Variants in DLG2 observed in about 807,000 individuals in gnomAD.
DLG2 encodes the protein disks large homolog 2.
In DLG2, 45 loss-of-function variants were observed where a neutral mutation model predicts 132.5. The ratio of observed to expected loss-of-function variants is 0.34; its 90% CI spans 0.27 to 0.44. DLG2 has a LOEUF of 0.44. Ranked by LOEUF, DLG2 falls within the 20% of genes least tolerant of loss-of-function variation. The pLI is 1.00. For synonymous variants in DLG2, 424 were observed against 419.6 expected, an observed-to-expected ratio of 1.01 and a Z score of -0.13; for missense variants, 1,045 against 1,196.9, an observed-to-expected ratio of 0.87 and a Z score of 1.87.
At chr11:85,116,395 T>C (rs902095436) in intron 5 of DLG2, among the ~76,000 whole-genome samples, 1 of 151,848 alleles carries the variant, frequency 6.6e-6, no homozygotes, top group African/African-American at 2.4e-5. Flanking sequence ...TTTCTAAATA[T>C]AGAGATATAA....
chr11:84,709,774 C>G (rs565945906), intron 6 of DLG2, among the ~76,000 whole-genome samples: 164 of 152,034 alleles, frequency 1.1e-3, no homozygotes, highest in African/African-American at 3.8e-3. Flanking sequence ...GGCACACCTT[C>G]AATGCCCCAC....
At chr11:83,832,134 A>G (rs150972210) in intron 17 of DLG2, among the ~76,000 whole-genome samples, 1,559 of 152,334 alleles carry the variant, frequency 0.01, 30 homozygotes, top group African/African-American at 0.035. Context: ...AGAAGAATAA[A>G]TAATAGTTAT....
intron 21 of DLG2, among the ~76,000 whole-genome samples, chr11:83,514,956 G>A (rs1414342210): frequency 1.2e-4 from 18 of 152,188 alleles, no homozygotes; most frequent in East Asian, 1.2e-3. Context: ...TTTTTGCATC[G>A]ATGTTCATCA....
At chr11:84,584,963 C>A (rs953509930) in intron 6 of DLG2, among the ~76,000 whole-genome samples, 7 of 152,014 alleles carry the variant, frequency 4.6e-5, no homozygotes, top group Non-Finnish European at 1.0e-4. Context: ...GCTGGGATTA[C>A]AGGCGTGAGC....
intron 21 of DLG2, among the ~76,000 whole-genome samples, chr11:83,496,870 A>T (rs2094173956): frequency 6.6e-6 from 1 of 152,230 alleles, no homozygotes; most frequent in Admixed American, 6.5e-5. Context: ...ATATGTATAG[A>T]TTAATCTTCT....
At chr11:85,357,000 T>C (rs1477394194) in intron 3 of DLG2, among the ~76,000 whole-genome samples, 1 of 152,114 alleles carries the variant, frequency 6.6e-6, no homozygotes, top group East Asian at 1.9e-4. Context: ...AGTTTCAAAT[T>C]CATGTATATA....
intron 3 of DLG2, among the ~76,000 whole-genome samples, chr11:85,463,989 T>TACACACACACACAC (rs374003945): frequency 0.015 from 2,080 of 139,330 alleles, 45 homozygotes; most frequent in Admixed American, 0.03. Context: ...GACATACATG[T>TACACACACACACAC]ACACACACAC....
chr11:84,755,022 T>A (rs2066670419), intron 6 of DLG2, among the ~76,000 whole-genome samples: 1 of 152,204 alleles, frequency 6.6e-6, no homozygotes, highest in Non-Finnish European at 1.5e-5. Context: ...GAAAATAATT[T>A]ACTTGTATTA....
At chr11:84,350,183 C>CA (rs2098557327) in intron 7 of DLG2, among the ~76,000 whole-genome samples, 8 of 136,618 alleles carry the variant, frequency 5.9e-5, no homozygotes, top group Non-Finnish European at 1.2e-4. Flanking sequence ...GTCCCCCCCC[C>CA]CAAAAAAAAA....
intron 6 of DLG2, among the ~76,000 whole-genome samples, chr11:84,642,098 TGTGTGTGTGTATATGTAGA>T (rs1287340260): frequency 1.6e-4 from 22 of 137,556 alleles, no homozygotes; most frequent in Admixed American, 1.0e-3. Flanking sequence ...GTAGAGTGTG[TGTGTGTGTGTATATGTAGA>T]GTGTGTGTGT....
At chr11:84,584,677 T>A in intron 6 of DLG2, among the ~76,000 whole-genome samples, 2 of 46,476 alleles carry the variant, frequency 4.3e-5, no homozygotes, top group African/African-American at 3.5e-4. Flanking sequence ...AGCATTCCTT[T>A]TTTTTTTTTT....
intron 3 of DLG2, among the ~76,000 whole-genome samples, chr11:85,466,834 C>T (rs1211237586): frequency 1.3e-5 from 2 of 152,046 alleles, no homozygotes; most frequent in Non-Finnish European, 2.9e-5. Flanking sequence ...TAGTGTTTTC[C>T]AATTCTGTGA....
chr11:84,974,591 A>G (rs1424684361), intron 6 of DLG2, among the ~76,000 whole-genome samples: 1 of 152,196 alleles, frequency 6.6e-6, no homozygotes, highest in Non-Finnish European at 1.5e-5. Flanking sequence ...TGCATGAACA[A>G]GACACGTCTT....
chr11:85,178,965 A>G (rs542044843), intron 4 of DLG2, among the ~76,000 whole-genome samples: 2 of 152,038 alleles, frequency 1.3e-5, no homozygotes, highest in South Asian at 4.1e-4. Context: ...ACAGCTGAGA[A>G]TTTTCCAGGA....
chr11:85,076,618 C>G (rs1434729230), intron 6 of DLG2, among the ~76,000 whole-genome samples: 1 of 152,010 alleles, frequency 6.6e-6, no homozygotes. Flanking sequence ...TCAGCACCCT[C>G]TGGGAGACTA....
At chr11:84,200,679 A>G (rs1381045803) in intron 8 of DLG2, among the ~76,000 whole-genome samples, 1 of 152,046 alleles carries the variant, frequency 6.6e-6, no homozygotes, top group East Asian at 1.9e-4. Context: ...TGCTAGCTGT[A>G]TTCCTAGGTA....
chr11:85,061,791 A>G (rs556930288), intron 6 of DLG2, among the ~76,000 whole-genome samples: 1 of 152,012 alleles, frequency 6.6e-6, no homozygotes, highest in African/African-American at 2.4e-5. Flanking sequence ...GTCTATCAAA[A>G]TAACCAAAAT....
intron 7 of DLG2, among the ~76,000 whole-genome samples, chr11:84,404,385 A>G (rs1378174738): frequency 1.3e-5 from 2 of 152,110 alleles, no homozygotes; most frequent in African/African-American, 2.4e-5. Flanking sequence ...CCTCTTTGAG[A>G]AGGCTTTCCT....
chr11:84,642,092 AGTGT>A (rs34226746), intron 6 of DLG2, among the ~76,000 whole-genome samples: 5 of 139,150 alleles, frequency 3.6e-5, no homozygotes, highest in South Asian at 2.4e-4. Context: ...GTATATGTAG[AGTGT>A]GTGTGTGTGT....
Sources: allele counts gnomAD v4.1 joint callset (sites outside exome capture counted in the v4.1 genomes callset), GRCh38; gene constraint gnomAD v4.1.1; transcripts MANE v1.5; gene names NCBI Gene and HGNC (gene_info 2026-07-23, HGNC 2026-07-21).